The following NAV3 variants were observed in gnomAD, a reference collection of about 807,000 sequenced individuals.
NAV3 encodes neuron navigator 3.
Under a neutral mutation model 244.7 loss-of-function variants are expected in NAV3, and 87 were observed. That is an observed-to-expected ratio of 0.36 (90% CI 0.30 to 0.42). NAV3 has a LOEUF of 0.42. Ranked by LOEUF, NAV3 falls within the 20% of genes least tolerant of loss-of-function variation. NAV3 has a pLI of 1.00. For synonymous variants in NAV3, 1,126 were observed against 1,042.2 expected (o/e 1.08, Z -1.55); for missense variants, 2,663 against 2,893.3 (o/e 0.92, Z 1.83).
chr12:77,658,663 C>G (rs1306850714), intron 2 of NAV3, among the ~76,000 whole-genome samples: 1 of 151,986 alleles, frequency 6.6e-6, no homozygotes, highest in Non-Finnish European at 1.5e-5. Flanking sequence ...CAATCCTAAG[C>G]CAAAAGAACA....
chr12:78,086,611 G>A lies in NAV3; in HGVS notation c.2636+27496G>A, dbSNP rs142616593. 7.2e-5 allele frequency among the ~76,000 whole-genome samples: 11 copies of A among 152,100 alleles called. No individual in the cohort carries two copies. The East Asian group carries it at 1.2e-3, about 16-fold the overall frequency. On this transcript the variant is annotated intron_variant, in intron 12 of 39. Coordinates refer to ENST00000397909, the MANE Select transcript of NAV3 (RefSeq NM_001024383.2). ...AACCTCTTAAATTTGTATGCCTAAT[G>A]AGAAGTCTTATGGTAATAAACATTA...
chr12:78,074,515 C>A (rs1226951815), intron 12 of NAV3, among the ~76,000 whole-genome samples: 1 of 152,060 alleles, frequency 6.6e-6, no homozygotes, highest in African/African-American at 2.4e-5. Context: ...CCAGCCTGGC[C>A]AAGATGGTGA....
intron 9 of NAV3, among the ~76,000 whole-genome samples, chr12:78,045,277 C>A (rs1395087109): frequency 3.9e-5 from 6 of 151,954 alleles, no homozygotes; most frequent in Admixed American, 6.6e-5. Context: ...CAGCAATGAA[C>A]CCAACTTGAT....
rs1958671087 is a variant in NAV3, at chr12:78,185,451, G to A, written c.5693-150G>A. 5 of 597,886 alleles carry A rather than the reference G, an allele frequency of 8.4e-6. No homozygotes were observed. The Admixed American group carries it at 1.6e-4, about 19-fold the overall frequency. The allele number at this position is 597,886 out of a possible 1,614,324, so 37.0% of individuals were successfully genotyped here. On this transcript the variant is annotated intron_variant, in intron 30 of 39. Transcript: ENST00000397909. ...GCCCAACCACAGTAATTCATCTTCTGGAAAGCTGAGGCTTTTCAAATCAGT... is the reference window on the plus strand; with the variant it reads ...GCCCAACCACAGTAATTCATCTTCTAGAAAGCTGAGGCTTTTCAAATCAGT...
At chr12:77,665,588 T>G (rs1321526503) in intron 2 of NAV3, among the ~76,000 whole-genome samples, 2 of 152,216 alleles carry the variant, frequency 1.3e-5, no homozygotes, top group Non-Finnish European at 2.9e-5. Context: ...GGAGATCTCA[T>G]AATGTCTTTA....
At chr12:77,885,328 C>G (rs1883156854) in intron 1 of NAV3, among the ~76,000 whole-genome samples, 2 of 152,020 alleles carry the variant, frequency 1.3e-5, no homozygotes, top group African/African-American at 2.4e-5. Flanking sequence ...TCTAAGGAAG[C>G]TAAATAGCTT....
At chr12:78,146,776 C>A (rs952782447) in intron 21 of NAV3, among the ~76,000 whole-genome samples, 2 of 152,094 alleles carry the variant, frequency 1.3e-5, no homozygotes, top group African/African-American at 2.4e-5. Flanking sequence ...CAAGCCTCCA[C>A]AACACAGGAT....
At chr12:77,747,710 A>G (rs1231494323) in intron 2 of NAV3, among the ~76,000 whole-genome samples, 1 of 152,256 alleles carries the variant, frequency 6.6e-6, no homozygotes, top group East Asian at 1.9e-4. Context: ...GCCATAAAAA[A>G]TGATGAGTTC....
At chr12:77,814,210 A>T (rs1031680088) in intron 2 of NAV3, among the ~76,000 whole-genome samples, 1 of 152,004 alleles carries the variant, frequency 6.6e-6, no homozygotes, top group Non-Finnish European at 1.5e-5. Context: ...GAAATGTATC[A>T]TTGCCCAGGA....
chr12:78,007,487 C>G (rs1593261884), intron 8 of NAV3, 42 bp downstream of exon 8: 2 of 1,575,870 alleles, frequency 1.3e-6, no homozygotes, highest in South Asian at 1.2e-5. Flanking sequence ...AATATATTTA[C>G]AGGCCTACAT....
intron 1 of NAV3, among the ~76,000 whole-genome samples, chr12:77,842,017 T>C (rs1222631263): frequency 6.6e-6 from 1 of 152,196 alleles, no homozygotes; most frequent in African/African-American, 2.4e-5. Context: ...TTAGCCAGCA[T>C]ATAGTTAGCT....
Position 77,599,035 on chromosome 12 carries a change from C to T in NAV3, c.72+26769C>T, listed in dbSNP as rs2136758686. 2.0e-5 allele frequency among the ~76,000 whole-genome samples: 3 copies of T among 151,960 alleles called. 1 individual carries two copies. The highest frequency in any genetic ancestry group is 2.0e-4 in the Admixed American group (3 of 15,230). Reference sequence around the variant, plus strand: ...TCCAAGTCCCCATATCCCACCTACCCTACTAAGCCCCTGGCAACCAACATT... The same window carrying T: ...TCCAAGTCCCCATATCCCACCTACCTTACTAAGCCCCTGGCAACCAACATT... On this transcript the variant is annotated intron_variant, in intron 2 of 8. Transcript: ENST00000550042.
At chr12:77,629,022 A>G (rs1427132821) in intron 2 of NAV3, among the ~76,000 whole-genome samples, 1 of 152,240 alleles carries the variant, frequency 6.6e-6, no homozygotes, top group Non-Finnish European at 1.5e-5. Context: ...TTAGTAGGTA[A>G]ACCTTAATTG....
chr12:78,143,323 G>GT, intron 20 of NAV3: 1 of 453,094 alleles, frequency 2.2e-6, no homozygotes, highest in South Asian at 1.6e-5. Context: ...CAAACTTATG[G>GT]TTTTTGTGTT....
chr12:77,995,040 G>T (rs1872123967), intron 6 of NAV3, among the ~76,000 whole-genome samples, 169 bp downstream of exon 6: 1 of 151,786 alleles, frequency 6.6e-6, no homozygotes, highest in Admixed American at 6.6e-5. Context: ...GAGCATGTTT[G>T]TACTAGATAA....
At chr12:77,763,280 G>A (rs948412554) in intron 2 of NAV3, among the ~76,000 whole-genome samples, 19 of 152,102 alleles carry the variant, frequency 1.2e-4, no homozygotes, top group Admixed American at 7.9e-4. Flanking sequence ...GGCCATTAGC[G>A]TTAAAGAAAA....
chr12:77,879,569 G>A lies in NAV3; in HGVS notation c.243+47865G>A, dbSNP rs536058562. 1.7e-4 allele frequency among the ~76,000 whole-genome samples: 25 copies of A among 151,488 alleles called. No individual in the cohort carries two copies. The South Asian group carries it at 5.2e-3, about 32-fold the overall frequency. On this transcript the variant is annotated intron_variant, in intron 1 of 39. Coordinates refer to ENST00000397909, the MANE Select transcript of NAV3 (RefSeq NM_001024383.2). ...GGACACCTATAATCCCAGCTACTCA[G>A]GAGGCTGAGGCAAGAGAATTGCTTG...
At chr12:77,631,470 GA>G (rs199783357) in intron 2 of NAV3, among the ~76,000 whole-genome samples, 21,998 of 134,604 alleles carry the variant, frequency 0.16, 2,230 homozygotes, top group African/African-American at 0.32. Context: ...TAATCTTTTG[GA>G]AAAAAAAAAA....
At chr12:78,113,138 C>G (rs1042971905) in intron 12 of NAV3, among the ~76,000 whole-genome samples, 1 of 152,222 alleles carries the variant, frequency 6.6e-6, no homozygotes, top group African/African-American at 2.4e-5. Flanking sequence ...GCAGCTCTGC[C>G]TCTGTGGCTT....
Sources: gnomAD v4.1 joint callset for allele counts (sites outside exome capture counted in the v4.1 genomes callset) on GRCh38, gnomAD v4.1.1 for gene constraint, MANE v1.5 for transcripts, NCBI Gene and HGNC (gene_info 2026-07-23, HGNC 2026-07-21) for gene names.